TMCC1: variants seen among roughly 807,000 people sequenced by gnomAD.
The protein encoded by TMCC1 is transmembrane and coiled-coil domains protein 1.
TMCC1 carries 15 observed loss-of-function variants against 52.4 expected under a neutral mutation model. That is an observed-to-expected ratio of 0.29 (90% CI 0.19 to 0.44). TMCC1 has a LOEUF of 0.44. Ranked by LOEUF, TMCC1 falls within the 20% of genes least tolerant of loss-of-function variation. The pLI is 1.00. For missense variants in TMCC1, 503 were observed against 806.0 expected (o/e 0.62, Z 4.55); for synonymous variants, 279 against 301.9 (o/e 0.92, Z 0.79).
At chr3:129,751,827 G>A (rs2052555834) in intron 4 of TMCC1, among the ~76,000 whole-genome samples, 1 of 152,058 alleles carries the variant, frequency 6.6e-6, no homozygotes, top group African/African-American at 2.4e-5. Flanking sequence ...CCAAAGTGCT[G>A]GGATTATGGG....
chr3:129,682,766 G>C (rs1196881503), intron 4 of TMCC1, among the ~76,000 whole-genome samples: 1 of 152,122 alleles, frequency 6.6e-6, no homozygotes, highest in African/African-American at 2.4e-5. Context: ...TTATAAACCT[G>C]TTTTCATCCT....
chr3:129,785,880 C>G (rs1400342994), intron 4 of TMCC1, among the ~76,000 whole-genome samples: 1 of 150,640 alleles, frequency 6.6e-6, no homozygotes, highest in Non-Finnish European at 1.5e-5. Flanking sequence ...TAAATTTACT[C>G]TTAGAAGATT....
rs140770266 is a variant in TMCC1 at position 129,852,428 on chromosome 3, G to C, written c.-183-19602C>G. 7.2e-3 allele frequency among the ~76,000 whole-genome samples: 963 copies of C among 133,590 alleles called. 10 individuals are homozygous for C. The highest frequency in any genetic ancestry group is 0.027 in the African/African-American group (919 of 34,648). 87.6% of individuals were successfully genotyped at this position (133,590 alleles called of 152,430 possible). ...GCCAAGCTCATGCCACTGCACTCCA[G>C]CCTGGGTGACAGAACGAGACACCGT... On this transcript the variant is annotated intron_variant, in intron 2 of 6. Transcript: ENST00000393238.
At chr3:129,884,893 AT>A in intron 1 of TMCC1, among the ~76,000 whole-genome samples, 1 of 152,036 alleles carries the variant, frequency 6.6e-6, no homozygotes, top group Non-Finnish European at 1.5e-5. Context: ...TAATCCTAGC[AT>A]TTTGGGAGGC....
At chr3:129,861,587 G>C (rs1229357511) in intron 2 of TMCC1, among the ~76,000 whole-genome samples, 2 of 152,074 alleles carry the variant, frequency 1.3e-5, no homozygotes, top group African/African-American at 4.8e-5. Context: ...TTTCTCCAAA[G>C]AAAATATCCA....
At chr3:129,849,782 T>G (rs1222688015) in intron 2 of TMCC1, among the ~76,000 whole-genome samples, 1 of 150,162 alleles carries the variant, frequency 6.7e-6, no homozygotes, top group Non-Finnish European at 1.5e-5. Flanking sequence ...AAATAAAAAA[T>G]AAAAAAAGTA....
At chr3:129,826,180 G>A (rs999945737) in intron 4 of TMCC1, among the ~76,000 whole-genome samples, 3 of 152,032 alleles carry the variant, frequency 2.0e-5, no homozygotes, top group Non-Finnish European at 4.4e-5. Flanking sequence ...TGGGTAATCA[G>A]TGACCAAATA....
chr3:129,763,939 G>T (rs1038475454), intron 4 of TMCC1, among the ~76,000 whole-genome samples: 10 of 151,164 alleles, frequency 6.6e-5, no homozygotes, highest in Admixed American at 6.6e-4. Context: ...TTTACAGGAA[G>T]ACATAAAAAT....
At chr3:129,760,767 G>A (rs372675890) in intron 4 of TMCC1, among the ~76,000 whole-genome samples, 1 of 151,024 alleles carries the variant, frequency 6.6e-6, no homozygotes, top group South Asian at 2.1e-4. Flanking sequence ...GTGAGCCACC[G>A]CACCCGGCTA....
chr3:129,730,023 C>T (rs1002978356), intron 4 of TMCC1, among the ~76,000 whole-genome samples: 1 of 151,972 alleles, frequency 6.6e-6, no homozygotes, highest in Admixed American at 6.6e-5. Context: ...AATTTATTGA[C>T]TATTGTACTG....
At chr3:129,711,318 G>C (rs1328308655) in intron 4 of TMCC1, among the ~76,000 whole-genome samples, 6 of 152,096 alleles carry the variant, frequency 3.9e-5, no homozygotes, top group African/African-American at 1.4e-4. Flanking sequence ...CAGTCTATGT[G>C]AACATCATCA....
intron 5 of TMCC1, among the ~76,000 whole-genome samples, chr3:129,657,435 C>T (rs1387796845): frequency 6.6e-6 from 1 of 152,220 alleles, no homozygotes; most frequent in Non-Finnish European, 1.5e-5. Flanking sequence ...GAAACAGAAG[C>T]TCAGAGAAGT....
At chr3:129,873,223 T>C (rs2061016698) in intron 2 of TMCC1, among the ~76,000 whole-genome samples, 1 of 152,090 alleles carries the variant, frequency 6.6e-6, no homozygotes, top group Non-Finnish European at 1.5e-5. Context: ...TTAATGGAGC[T>C]TTAATTCTAG....
chr3:129,875,250 A>G (rs921749860), intron 2 of TMCC1, among the ~76,000 whole-genome samples: 150 of 151,986 alleles, frequency 9.9e-4, no homozygotes, highest in African/African-American at 3.4e-3. Flanking sequence ...GCACTGTGGG[A>G]GGCTGAGGCA....
intron 4 of TMCC1, among the ~76,000 whole-genome samples, chr3:129,815,845 C>T (rs770522990): frequency 3.9e-5 from 6 of 152,132 alleles, no homozygotes; most frequent in Non-Finnish European, 7.4e-5. Context: ...TACAAACTAT[C>T]CATCTGACAA....
intron 2 of TMCC1, among the ~76,000 whole-genome samples, chr3:129,869,856 AAATT>A (rs1486769694): frequency 1.3e-5 from 2 of 152,334 alleles, no homozygotes; most frequent in Admixed American, 1.3e-4. Flanking sequence ...AGCTCAGCAT[AAATT>A]ATTTGCAGTG....
intron 4 of TMCC1, among the ~76,000 whole-genome samples, chr3:129,716,522 T>G (rs9829840): frequency 7.7e-6 from 1 of 129,426 alleles, no homozygotes; most frequent in Non-Finnish European, 1.6e-5. Flanking sequence ...TTTTTTTTTG[T>G]ACTTTTAGTA....
intron 4 of TMCC1, 130 bp downstream of exon 4, chr3:129,827,673 G>A (rs1464399850): frequency 1.2e-5 from 13 of 1,101,556 alleles, no homozygotes; most frequent in Non-Finnish European, 1.4e-5. Context: ...ATTTGAAAAG[G>A]GGAAAAATTC....
Position 129,670,865 on chromosome 3 carries a change from G to C in TMCC1, c.976C>G (p.His326Asp). 1 of 1,614,158 alleles carries C rather than the reference G, an allele frequency of 6.2e-7. No individual in the cohort carries two copies. The highest frequency in any genetic ancestry group is 8.5e-7 in the Non-Finnish European group (1 of 1,180,030). ...GCTCCTACATCCTTCAGACCCTGGT[G>C]CATGTCCCTGAAGACATCCTTTGGC... ...RQPKDVFRDM[H>D]QGLKDVGAKV... The change falls in exon 5 of 7, where the codon CAC (histidine) becomes GAC (aspartate). Residue 326 changes from histidine (H) to aspartate (D), a missense_variant. His to Asp is a moderately conservative substitution (Grantham distance 81). This residue lies in a region of TMCC1 where 73 missense variants were observed against 182.9 expected (regional missense o/e 0.40). Transcript: ENST00000393238.
Sources: gnomAD v4.1 joint callset for allele counts (sites outside exome capture counted in the v4.1 genomes callset) on GRCh38, gnomAD v4.1.1 for gene constraint, gnomAD v4.1.1 regional missense constraint, MANE v1.5 for transcripts, NCBI Gene and HGNC (gene_info 2026-07-23, HGNC 2026-07-21) for gene names.